Variants in OPN4 observed in about 807,000 individuals in gnomAD.
The protein encoded by OPN4 is melanopsin.
A neutral mutation model predicts 49.5 loss-of-function variants in OPN4; 43 were observed. The observed-to-expected ratio is 0.87, with a 90% CI of 0.68 to 1.12. The LOEUF (loss-of-function observed/expected upper bound fraction) is 1.12. Among genes scored for constraint, OPN4 ranks in the 50% most tolerant of loss-of-function variants. The pLI, the probability that OPN4 is intolerant of heterozygous loss-of-function variation, is 0.00. For missense variants in OPN4, 657 were observed against 643.9 expected (o/e 1.02, Z -0.22); for synonymous variants, 263 against 258.0 (o/e 1.02, Z -0.19).
chr10:86,657,772 C>T (rs35561457), intron 2 of OPN4, among the ~76,000 whole-genome samples: 4,561 of 152,214 alleles, frequency 0.03, 172 homozygotes, highest in Admixed American at 0.11. Flanking sequence ...AGAAACTGCC[C>T]CCTGCTTCTC....
At chr10:86,659,261 C>A (rs575746456) in intron 4 of OPN4, 36 bp from the exon 5 acceptor site, 4 of 1,564,784 alleles carry the variant, frequency 2.6e-6, no homozygotes, top group Non-Finnish European at 3.5e-6. Flanking sequence ...GTGGTCAGTG[C>A]CGCCCCAAAG....
At chr10:86,659,489 G>T in intron 5 of OPN4, 21 bp downstream of exon 5, 1 of 1,611,544 alleles carries the variant, frequency 6.2e-7, no homozygotes. Context: ...AGCATGGAGG[G>T]GGGCTACAGG....
chr10:86,654,989 T>C, intron 1 of OPN4, 62 bp downstream of exon 1: 2 of 1,532,174 alleles, frequency 1.3e-6, no homozygotes, highest in Middle Eastern at 1.8e-4. Context: ...GGTCCCCTCC[T>C]GGCCACACAC....
At chr10:86,661,225 G>A (rs1162158989) in intron 6 of OPN4, 56 bp from the exon 7 acceptor site, 6 of 1,413,992 alleles carry the variant, frequency 4.2e-6, no homozygotes, top group African/African-American at 2.8e-5. Flanking sequence ...TGGCCCAGAA[G>A]AGAAGGTGTG....
At chr10:86,661,603 G>A (rs1004173800) in intron 7 of OPN4, among the ~76,000 whole-genome samples, 2 of 152,076 alleles carry the variant, frequency 1.3e-5, no homozygotes, top group African/African-American at 4.8e-5. Flanking sequence ...GGAGGTCAGG[G>A]TTCCCTGGGC....
At chr10:86,656,623 C>A (rs1234000744) in intron 2 of OPN4, among the ~76,000 whole-genome samples, 1 of 152,098 alleles carries the variant, frequency 6.6e-6, no homozygotes, top group Non-Finnish European at 1.5e-5. Flanking sequence ...CGTCACCTGC[C>A]CCAGAGAGCA....
chr10:86,656,832 C>G (rs1234681449), intron 2 of OPN4, among the ~76,000 whole-genome samples: 1 of 151,400 alleles, frequency 6.6e-6, no homozygotes, highest in Admixed American at 6.6e-5. Flanking sequence ...ATAATCCAAG[C>G]TGCTTGGGAG....
chr10:86,662,313 A>G lies in OPN4; in HGVS notation c.1135A>G (p.Ser379Gly). Residue 379 changes from serine (S) to glycine (G), a missense_variant, in exon 8 of 10, where the codon AGT (serine) becomes GGT (glycine). Coordinates refer to ENST00000241891, the MANE Select transcript of OPN4 (RefSeq NM_033282.4). The part of the protein sequence containing the change: ...GVLLGVSRRH[S>G]RPYPSYRSTH... The stretch of plus-strand genomic sequence containing the variant: ...GCTGCTGGGTGTATCACGCCGGCAC[A>G]GTCGCCCCTACCCCAGCTACCGCTC... 2 of 1,607,224 alleles carry G rather than the reference A, an allele frequency of 1.2e-6. No homozygotes were observed. The highest frequency in any genetic ancestry group is 1.7e-6 in the Non-Finnish European group (2 of 1,178,274).
At position 86,654,677 on chromosome 10, in the gene OPN4, G is replaced by T. The variant is rs1843823086; in HGVS notation, c.-107G>T. 1 of 1,455,346 alleles carries T rather than the reference G, an allele frequency of 6.9e-7. No homozygotes were observed. Among genetic ancestry groups the T allele is most frequent in the Non-Finnish European group, 9.3e-7 (1 of 1,070,100 alleles). 90.2% of individuals were successfully genotyped at this position (1,455,346 alleles called of 1,614,324 possible). A position where few individuals can be genotyped will look rare whatever the true frequency, so the allele number is the denominator to read the frequency against. On this transcript the variant is annotated 5_prime_UTR_variant, in exon 1 of 10. Coordinates refer to ENST00000241891, the MANE Select transcript of OPN4 (RefSeq NM_033282.4). ...GAAAGCAGCGGGTAGGCTAAGCAGGGGTGCTGAGGATGGAGGAAAGTTGGG... is the reference window on the plus strand; with the variant it reads ...GAAAGCAGCGGGTAGGCTAAGCAGGTGTGCTGAGGATGGAGGAAAGTTGGG...
intron 2 of OPN4, among the ~76,000 whole-genome samples, chr10:86,656,768 A>AC (rs1345859567): frequency 6.6e-6 from 1 of 151,184 alleles, no homozygotes. Context: ...ATGTGGTGAA[A>AC]CCCCCGTCTC....
Position 86,662,249 on chromosome 10 carries a change from C to A in OPN4, c.1074-3C>A. The A allele has an allele frequency of 6.2e-7, 1 of 1,608,114 alleles. No individual in the cohort carries two copies. The highest frequency in any genetic ancestry group is 8.5e-7 in the Non-Finnish European group (1 of 1,179,030). On this transcript the variant is annotated splice_polypyrimidine_tract_variant and splice_region_variant and intron_variant, in intron 7 of 9. Coordinates refer to ENST00000241891, the MANE Select transcript of OPN4 (RefSeq NM_033282.4). The stretch of plus-strand genomic sequence containing the variant: ...GCCCTAATCAGATGTGCGGCCCCTG[C>A]AGGGTGGCCATTGCCCAGCACCTGC...
chr10:86,660,635 C>A (rs1002749880), intron 6 of OPN4, among the ~76,000 whole-genome samples: 15 of 152,050 alleles, frequency 9.9e-5, no homozygotes, highest in African/African-American at 3.1e-4. Flanking sequence ...GAGGGCATCA[C>A]GGTTGGGGTG....
chr10:86,662,295 G>T lies in OPN4; in HGVS notation c.1117G>T (p.Gly373Cys). 6.2e-7 allele frequency: 1 copy of T among 1,609,210 alleles called. No individual in the cohort carries two copies. The highest frequency in any genetic ancestry group is 8.5e-7 in the Non-Finnish European group (1 of 1,179,176). ...CCTGCCCTGCCTGGGGGTGCTGCTG[G>T]GTGTATCACGCCGGCACAGTCGCCC... ...QHLPCLGVLL[G>C]VSRRHSRPYP... The change falls in exon 8 of 10, where the codon GGT (glycine) becomes TGT (cysteine). Residue 373 changes from glycine to cysteine, a missense_variant. Physicochemically the swap from Gly to Cys is radical, Grantham distance 159. Coordinates refer to ENST00000241891, the MANE Select transcript of OPN4 (RefSeq NM_033282.4).
chr10:86,664,030 G>A (rs915006736), intron 9 of OPN4: 1 of 509,154 alleles, frequency 2.0e-6, no homozygotes, highest in Non-Finnish European at 3.5e-6. Flanking sequence ...GTGTGTGTGT[G>A]TGTGATCATG....
chr10:86,654,906 G>A lies in OPN4; in HGVS notation c.123G>A (p.Arg41=). 1 of 1,613,966 alleles carries A rather than the reference G, an allele frequency of 6.2e-7. No homozygotes were observed. Among genetic ancestry groups the A allele is most frequent in the Non-Finnish European group, 8.5e-7 (1 of 1,180,014 alleles). ...SSQSSISSLG[R]LPSISPTAPG... ...AGAGCAGCATCTCCAGCCTGGGCCG[G>A]CTTCCATCCATCAGTCCCACAGTAA... Residue 41 remains arginine (R), a synonymous_variant, in exon 1 of 10, where the codon CGG becomes CGA. Transcript: ENST00000241891.
chr10:86,663,619 T>G, intron 8 of OPN4, 40 bp from the exon 9 acceptor site: 1 of 1,462,834 alleles, frequency 6.8e-7, no homozygotes. Context: ...AGCTACGGAC[T>G]GTCCCTCTCA....
In OPN4 at chr10:86,660,292, G is replaced by A. The variant is rs182150677; in HGVS notation, c.965+233G>A. ...GCAGAGGAGCTCTGGGCCCCACAAA[G>A]CTTTGGGCGGACGGCCTGCCAGCCC... On this transcript the variant is annotated intron_variant, in intron 6 of 9. Transcript: ENST00000241891. Among the ~76,000 whole-genome samples, 4 of 152,344 alleles carry A rather than the reference G, an allele frequency of 2.6e-5. No homozygotes were observed. The East Asian group carries it at 7.7e-4, about 29-fold the overall frequency.
intron 6 of OPN4, 104 bp from the exon 7 acceptor site, chr10:86,661,177 G>A: frequency 1.1e-6 from 1 of 892,808 alleles, no homozygotes; most frequent in Non-Finnish European, 1.8e-6. Flanking sequence ...TAGCTGTGCT[G>A]GTTTGGGCTG....
intron 9 of OPN4, among the ~76,000 whole-genome samples, chr10:86,664,531 G>A (rs1349379893): frequency 3.3e-5 from 5 of 152,068 alleles, no homozygotes; most frequent in Non-Finnish European, 4.4e-5. Context: ...GCAGCCCTTC[G>A]CCCCAGCTGA....
Sources: gnomAD v4.1 joint callset for allele counts (sites outside exome capture counted in the v4.1 genomes callset) on GRCh38, gnomAD v4.1.1 for gene constraint, MANE v1.5 for transcripts, NCBI Gene and HGNC (gene_info 2026-07-23, HGNC 2026-07-21) for gene names.